Variants in PLCG2 observed in about 807,000 individuals in gnomAD.
PLCG2 encodes the protein 1-phosphatidylinositol 4,5-bisphosphate phosphodiesterase gamma-2.
PLCG2 carries 69 observed loss-of-function variants against 175.6 expected under a neutral mutation model. The observed-to-expected ratio is 0.39, with a 90% CI of 0.32 to 0.48. The LOEUF is 0.48. Ranked by LOEUF, PLCG2 falls within the 20% of genes least tolerant of loss-of-function variation. PLCG2 has a pLI of 0.91. For synonymous variants in PLCG2, 827 were observed against 624.0 expected (o/e 1.33, Z -4.85); for missense variants, 1,798 against 1,650.9 (o/e 1.09, Z -1.54).
At chr16:81,925,690 C>A (rs1389695148) in intron 22 of PLCG2, among the ~76,000 whole-genome samples, 1 of 152,092 alleles carries the variant, frequency 6.6e-6, no homozygotes, top group Non-Finnish European at 1.5e-5. Flanking sequence ...GAGTTTGAGA[C>A]CAGCCTGGCC....
Position 81,836,768 on chromosome 16 carries a change from C to A in PLCG2, c.194-17676C>A, listed in dbSNP as rs959934654. Among the ~76,000 whole-genome samples the A allele has an allele frequency of 2.6e-5, 4 of 152,146 alleles. No homozygotes were observed. The East Asian group carries it at 7.7e-4, about 29-fold the overall frequency. On this transcript the variant is annotated intron_variant, in intron 2 of 32. Coordinates refer to ENST00000564138, the MANE Select transcript of PLCG2 (RefSeq NM_002661.5). ...AACGAGTGCAAACTTTGGAGCCTGG[C>A]CATTCAGGTTCAAGTTCTGGCTCAA...
intron 4 of PLCG2, among the ~76,000 whole-genome samples, chr16:81,858,695 TACAGG>T (rs1474151800): frequency 1.6e-4 from 24 of 152,208 alleles, no homozygotes; most frequent in Admixed American, 1.3e-4. Context: ...AAAGGACAGA[TACAGG>T]GTCTGGAATT....
At chr16:81,779,715 A>C (rs1161170779) in intron 1 of PLCG2, among the ~76,000 whole-genome samples, 1 of 151,976 alleles carries the variant, frequency 6.6e-6, no homozygotes, top group East Asian at 1.9e-4. Context: ...GAGGAAGGTC[A>C]GGGGTCGTGT....
At chr16:81,745,223 G>C (rs1756090132) in intron 1 of PLCG2, among the ~76,000 whole-genome samples, 1 of 152,104 alleles carries the variant, frequency 6.6e-6, no homozygotes, top group South Asian at 2.1e-4. Context: ...GGCATTCCTA[G>C]CCTCCCTCCC....
At chr16:81,813,947 G>A (rs770874052) in intron 2 of PLCG2, among the ~76,000 whole-genome samples, 2 of 152,232 alleles carry the variant, frequency 1.3e-5, no homozygotes, top group Admixed American at 6.5e-5. Context: ...CTGTTGATGG[G>A]AAGAAGTTTG....
chr16:81,924,667 A>C (rs1313029876), intron 22 of PLCG2, among the ~76,000 whole-genome samples: 1 of 152,244 alleles, frequency 6.6e-6, no homozygotes, highest in African/African-American at 2.4e-5. Context: ...ACTTTTTCTT[A>C]AAATCAGGAG....
intron 32 of PLCG2, among the ~76,000 whole-genome samples, chr16:81,957,471 G>A (rs1433818960): frequency 1.3e-5 from 2 of 152,138 alleles, no homozygotes; most frequent in African/African-American, 4.8e-5. Context: ...GATGACCACT[G>A]ACTTTTAAGG....
chr16:81,802,084 GAGTAC>G (rs1360135399), intron 2 of PLCG2, among the ~76,000 whole-genome samples: 2 of 120,870 alleles, frequency 1.7e-5, no homozygotes, highest in African/African-American at 5.9e-5. Flanking sequence ...TCCTTCAGGT[GAGTAC>G]AGTCTTTTTT....
At chr16:81,900,897 C>T (rs1484122461) in intron 14 of PLCG2, 117 bp downstream of exon 14, 1 of 858,848 alleles carries the variant, frequency 1.2e-6, no homozygotes, top group Non-Finnish European at 1.8e-6. Flanking sequence ...GGTCCCACTG[C>T]ACAGGCTCAA....
intron 2 of PLCG2, among the ~76,000 whole-genome samples, chr16:81,757,179 C>A (rs1276132260): frequency 6.6e-6 from 1 of 152,058 alleles, no homozygotes; most frequent in Admixed American, 6.6e-5. Context: ...TTCCATCCAC[C>A]CACTCATCCA....
intron 2 of PLCG2, chr16:81,766,755 G>A (rs1297683941): frequency 6.6e-6 from 1 of 152,166 alleles, no homozygotes; most frequent in East Asian, 1.9e-4. Flanking sequence ...CACAGCAAGT[G>A]TTCAGTATTG....
chr16:81,804,809 A>G (rs1159647115), intron 2 of PLCG2, among the ~76,000 whole-genome samples: 1 of 152,170 alleles, frequency 6.6e-6, no homozygotes, highest in African/African-American at 2.4e-5. Flanking sequence ...ACCTGGAGAA[A>G]TGTCATTGGG....
intron 3 of PLCG2, chr16:81,857,995 A>G (rs1406560132): frequency 4.4e-6 from 2 of 453,520 alleles, no homozygotes; most frequent in Non-Finnish European, 4.0e-6. Flanking sequence ...CACTCCCTCC[A>G]TTCTTAGCTG....
chr16:81,849,795 A>AC (rs1567497314), intron 2 of PLCG2, among the ~76,000 whole-genome samples: 1 of 147,488 alleles, frequency 6.8e-6, no homozygotes, highest in Non-Finnish European at 1.5e-5. Context: ...AAAAAAAAAA[A>AC]AACCAAAAAA....
At chr16:81,848,065 A>T (rs562620850) in intron 2 of PLCG2, among the ~76,000 whole-genome samples, 39 of 152,370 alleles carry the variant, frequency 2.6e-4, no homozygotes, top group African/African-American at 9.1e-4. Context: ...GTAGAACGAA[A>T]TCAGAGGACT....
intron 30 of PLCG2, among the ~76,000 whole-genome samples, chr16:81,941,630 T>C (rs1910944078): frequency 1.3e-5 from 2 of 151,584 alleles, no homozygotes; most frequent in Admixed American, 1.3e-4. Context: ...GCAATAATAA[T>C]GAGTATTCAT....
intron 2 of PLCG2, among the ~76,000 whole-genome samples, chr16:81,769,456 C>G (rs1278883398): frequency 6.6e-6 from 1 of 152,198 alleles, no homozygotes; most frequent in Non-Finnish European, 1.5e-5. Context: ...GCATCTCAGA[C>G]TTTTCTAAGG....
Position 81,805,976 on chromosome 16 carries a change from A to C in PLCG2, c.193+19794A>C, listed in dbSNP as rs149651652. On this transcript the variant is annotated intron_variant, in intron 2 of 32. Coordinates refer to ENST00000564138, the MANE Select transcript of PLCG2 (RefSeq NM_002661.5). ...TTAAAGTTTTCTAGTTGCCACATTC[A>C]TAAAGGTAAAAAGAGGTGAAACTAA... 8.8e-3 allele frequency among the ~76,000 whole-genome samples: 1,331 copies of C among 151,978 alleles called. 10 individuals carry two copies. Among genetic ancestry groups the C allele is most frequent in the African/African-American group, 0.021 (865 of 41,486 alleles).
At chr16:81,878,794 GT>G (rs1192421114) in intron 7 of PLCG2, among the ~76,000 whole-genome samples, 1 of 152,174 alleles carries the variant, frequency 6.6e-6, no homozygotes, top group Non-Finnish European at 1.5e-5. Context: ...ATGCCCGACT[GT>G]CTTCCTTATC....
Sources: allele counts gnomAD v4.1 joint callset (sites outside exome capture counted in the v4.1 genomes callset), GRCh38; gene constraint gnomAD v4.1.1; transcripts MANE v1.5; gene names NCBI Gene and HGNC (gene_info 2026-07-23, HGNC 2026-07-21).